The following ELSPBP1 variants were observed in gnomAD, a reference collection of about 807,000 sequenced individuals.
ELSPBP1 encodes the protein epididymal sperm-binding protein 1.
In ELSPBP1, 38 loss-of-function variants were observed where a neutral mutation model predicts 33.3. The ratio of observed to expected loss-of-function variants is 1.14; its 90% CI spans 0.88 to 1.50. The LOEUF is 1.50. Ranked by LOEUF, ELSPBP1 falls within the 40% of genes most tolerant of loss-of-function variation. ELSPBP1 has a pLI of 0.00. For missense variants in ELSPBP1, 267 were observed against 263.5 expected, an observed-to-expected ratio of 1.01 and a Z score of -0.09; for synonymous variants, 85 against 94.1, an observed-to-expected ratio of 0.90 and a Z score of 0.56.
intron 3 of ELSPBP1, 74 bp from the exon 4 acceptor site, chr19:48,015,819 A>G: frequency 7.1e-7 from 1 of 1,409,124 alleles, no homozygotes; most frequent in South Asian, 1.3e-5. Context: ...ATGATGGTTG[A>G]TTGATGATTA....
chr19:48,020,548 G>T (rs958361713), intron 5 of ELSPBP1, among the ~76,000 whole-genome samples: 2 of 152,116 alleles, frequency 1.3e-5, no homozygotes, highest in African/African-American at 2.4e-5. Context: ...CATGAGTGTC[G>T]ATTTCATCAG....
intron 5 of ELSPBP1, among the ~76,000 whole-genome samples, chr19:48,020,161 C>T (rs979753792): frequency 6.6e-6 from 1 of 152,008 alleles, no homozygotes; most frequent in Non-Finnish European, 1.5e-5. Context: ...TTTTAAAAAC[C>T]CCAGTGTGAG....
intron 4 of ELSPBP1, among the ~76,000 whole-genome samples, chr19:48,016,891 G>A (rs995392073): frequency 7.9e-5 from 12 of 152,242 alleles, no homozygotes; most frequent in Admixed American, 7.8e-4. Flanking sequence ...GAGGCACTGT[G>A]CCTGGCCCTG....
chr19:48,011,594 G>A lies in ELSPBP1; in HGVS notation c.71-2577G>A, dbSNP rs1967080173. Among the ~76,000 whole-genome samples the A allele has an allele frequency of 6.8e-6, 1 of 146,232 alleles. No homozygotes were observed. Among genetic ancestry groups the A allele is most frequent in the African/African-American group, 2.6e-5 (1 of 39,022 alleles). ...ATCATCACATGATAATGACAATAAT[G>A]AGGTGGATTATGATGACAATGATGA... On this transcript the variant is annotated intron_variant, in intron 2 of 6. Coordinates refer to ENST00000339841, the MANE Select transcript of ELSPBP1 (RefSeq NM_022142.5). The surrounding 1 kb of genome is among the most constrained non-coding windows in gnomAD (Gnocchi z 4.5).
chr19:48,010,035 C>T (rs1600105849), intron 2 of ELSPBP1, among the ~76,000 whole-genome samples: 1 of 152,168 alleles, frequency 6.6e-6, no homozygotes. Flanking sequence ...AAGTGACATT[C>T]ATCCCTTTCT....
chr19:48,009,508 C>T (rs1967056507), intron 2 of ELSPBP1, among the ~76,000 whole-genome samples: 1 of 152,188 alleles, frequency 6.6e-6, no homozygotes, highest in Non-Finnish European at 1.5e-5. Context: ...GCTTACATGT[C>T]ATTCACTCAA....
rs1967210431 is a variant in ELSPBP1 at position 48,022,311 on chromosome 19, C to G, written c.656C>G (p.Thr219Ser). Reference sequence around the variant, plus strand: ...TCTTACAACTACGACCAAGACCACACCTGGGTGTATTGCTGATGCTGAGGT... The same window carrying G: ...TCTTACAACTACGACCAAGACCACAGCTGGGTGTATTGCTGATGCTGAGGT... ...ATSYNYDQDH[T>S]WVYC The change falls in exon 6 of 7, where the codon ACC becomes AGC. Residue 219 changes from threonine (T) to serine (S), a missense_variant. Transcript: ENST00000339841. 1.9e-6 allele frequency: 3 copies of G among 1,611,780 alleles called. No individual in the cohort carries two copies. Among genetic ancestry groups the G allele is most frequent in the Non-Finnish European group, 2.5e-6 (3 of 1,179,062 alleles).
intron 2 of ELSPBP1, 92 bp downstream of exon 2, chr19:48,008,829 A>T: frequency 8.7e-7 from 1 of 1,147,858 alleles, no homozygotes; most frequent in Non-Finnish European, 1.3e-6. Context: ...TAGGCAGGAG[A>T]TGGCTTAGCA....
At chr19:47,996,973 C>T (rs1011429773) in intron 1 of ELSPBP1, among the ~76,000 whole-genome samples, 2 of 152,106 alleles carry the variant, frequency 1.3e-5, no homozygotes, top group Admixed American at 6.6e-5. Flanking sequence ...CATTTTGTAT[C>T]TTTCATCTAA....
At chr19:48,007,095 C>A (rs1967028291) in intron 1 of ELSPBP1, among the ~76,000 whole-genome samples, 1 of 152,128 alleles carries the variant, frequency 6.6e-6, no homozygotes, top group African/African-American at 2.4e-5. Context: ...CCCGAGCTAT[C>A]CTGACCTTGG....
intron 4 of ELSPBP1, among the ~76,000 whole-genome samples, chr19:48,017,467 C>T (rs988813872): frequency 6.6e-6 from 1 of 152,176 alleles, no homozygotes; most frequent in African/African-American, 2.4e-5. Flanking sequence ...ATTCCTAACT[C>T]TAAATTGTAT....
chr19:48,016,053 G>A lies in ELSPBP1; in HGVS notation c.355+14G>A. On this transcript the variant is annotated intron_variant, in intron 4 of 6. Coordinates refer to ENST00000339841, the MANE Select transcript of ELSPBP1 (RefSeq NM_022142.5). ...GTGAAACGAATGGTGAGCCCCTGTA[G>A]CAGGGATGGGATGTGTGGTGGGAGG... The A allele has an allele frequency of 1.9e-6, 3 of 1,612,190 alleles. No individual in the cohort carries two copies. The highest frequency in any genetic ancestry group is 2.5e-6 in the Non-Finnish European group (3 of 1,179,436).
rs753246271 is a variant in ELSPBP1 at position 48,019,729 on chromosome 19, A to G, written c.366A>G (p.Gly122=). ...CATAATCCTTTTCAGAGTATGGGGGAAATTCTCTCAGGAAGCCCTGCATCT... is the reference window on the plus strand; with the variant it reads ...CATAATCCTTTTCAGAGTATGGGGGGAATTCTCTCAGGAAGCCCTGCATCT... ...WKFCETNEYG[G]NSLRKPCIFP... The change falls in exon 5 of 7, where the codon GGA becomes GGG. Residue 122 remains glycine (G), a synonymous_variant. Transcript: ENST00000339841. The G allele has an allele frequency of 2.9e-5, 46 of 1,613,590 alleles. No homozygotes were observed. The highest frequency in any genetic ancestry group is 3.9e-5 in the Non-Finnish European group (46 of 1,179,830).
chr19:48,021,424 CT>C (rs1967198977), intron 5 of ELSPBP1, among the ~76,000 whole-genome samples: 1 of 137,532 alleles, frequency 7.3e-6, no homozygotes, highest in African/African-American at 2.7e-5. Flanking sequence ...TTTTTTTTTA[CT>C]TTTTATATTT....
chr19:48,003,599 C>T lies in ELSPBP1; in HGVS notation c.-17-5052C>T, dbSNP rs527483883. On this transcript the variant is annotated intron_variant, in intron 1 of 6. Coordinates refer to ENST00000339841, the MANE Select transcript of ELSPBP1 (RefSeq NM_022142.5). ...TCACCCAGGCTGGAGTGCAGTGGCA[C>T]GATCTCGGCTCACTGCAACCTCCGC... is the stretch of plus-strand genomic sequence containing the variant. 4.2e-3 allele frequency among the ~76,000 whole-genome samples: 622 copies of T among 146,554 alleles called. 2 individuals are homozygous for T. Among genetic ancestry groups the T allele is most frequent in the Non-Finnish European group, 7.1e-3 (475 of 66,662 alleles).
At chr19:48,003,826 A>C (rs889615822) in intron 1 of ELSPBP1, among the ~76,000 whole-genome samples, 1 of 151,280 alleles carries the variant, frequency 6.6e-6, no homozygotes, top group African/African-American at 2.4e-5. Flanking sequence ...AATTATAGGC[A>C]TGAGCTACCG....
chr19:48,008,779 G>A (rs749781166), intron 2 of ELSPBP1, 42 bp downstream of exon 2: 1 of 1,557,986 alleles, frequency 6.4e-7, no homozygotes, highest in Non-Finnish European at 8.8e-7. Context: ...AGAAGCTGGA[G>A]AAGAATGAAT....
chr19:48,008,766 T>A lies in ELSPBP1; in HGVS notation c.70+29T>A, dbSNP rs146213652. The A allele has an allele frequency of 2.3e-5, 37 of 1,589,874 alleles. 1 individual carries two copies. In the African/African-American group the frequency reaches 4.4e-4, roughly 19 times the overall value. On this transcript the variant is annotated intron_variant, in intron 2 of 6. Transcript: ENST00000339841. ...AGGACACTCAAAGCAACAGGGAGGA[T>A]TTAGAAGCTGGAGAAGAATGAATGG...
At position 48,008,679 on chromosome 19, in the gene ELSPBP1, G is replaced by A. The variant is rs1439392640; in HGVS notation, c.12G>A (p.Trp4Ter). ...AGAGGGCAGCCAAGATGACCCGATG[G>A]TCCAGTTACCTGTTGGGATGGACAA... is the stretch of plus-strand genomic sequence containing the variant. The part of the protein sequence containing the change: MTR[W>*]SSYLLGWTTF... Residue 4 changes from tryptophan (W) to a stop codon, truncating the protein, a stop_gained, in exon 2 of 7, where the codon TGG becomes TGA. Coordinates refer to ENST00000339841, the MANE Select transcript of ELSPBP1 (RefSeq NM_022142.5). LOFTEE classifies it high-confidence loss of function. The A allele has an allele frequency of 2.5e-6, 4 of 1,613,892 alleles. No homozygotes were observed. Among genetic ancestry groups the A allele is most frequent in the Admixed American group, 1.7e-5 (1 of 59,976 alleles).
Sources: allele counts gnomAD v4.1 joint callset (sites outside exome capture counted in the v4.1 genomes callset), GRCh38; gene constraint gnomAD v4.1.1; non-coding constraint Gnocchi (gnomAD v3.1); transcripts MANE v1.5; gene names NCBI Gene and HGNC (gene_info 2026-07-23, HGNC 2026-07-21).